UGT1A6: variants seen among roughly 807,000 people sequenced by gnomAD.
The protein encoded by UGT1A6 is UDP glucuronosyltransferase family 1 member A6.
UGT1A6 carries 32 observed loss-of-function variants against 44.4 expected under a neutral mutation model. That is an observed-to-expected ratio of 0.72 (90% CI 0.54 to 0.97). UGT1A6 has a LOEUF of 0.97. UGT1A6 is among the 50% of genes least tolerant of loss of function. UGT1A6 has a pLI of 0.00. For synonymous variants in UGT1A6, 238 were observed against 248.5 expected, an observed-to-expected ratio of 0.96 and a Z score of 0.40; for missense variants, 685 against 661.9, an observed-to-expected ratio of 1.03 and a Z score of -0.38.
chr2:233,739,125 T>C (rs1690989547), intron 1 of UGT1A6: 1 of 152,272 alleles, frequency 6.6e-6, no homozygotes. Flanking sequence ...ACACAGAAGA[T>C]AAGAATTTAG....
chr2:233,714,286 T>C (rs551165794), intron 1 of UGT1A6, among the ~76,000 whole-genome samples: 1 of 152,310 alleles, frequency 6.6e-6, no homozygotes, highest in South Asian at 2.1e-4. Context: ...CAATTTTTAG[T>C]GGTCCCATCT....
intron 1 of UGT1A6, chr2:233,744,049 A>C: frequency 1.3e-4 from 90 of 678,678 alleles, no homozygotes; most frequent in Non-Finnish European, 1.7e-4. Flanking sequence ...GCCACATCTC[A>C]TTGGTCGAGG....
chr2:233,745,211 C>T (rs1428887927), intron 1 of UGT1A6, among the ~76,000 whole-genome samples: 1 of 151,804 alleles, frequency 6.6e-6, no homozygotes, highest in African/African-American at 2.4e-5. Flanking sequence ...GAGATCCTCT[C>T]AGACAAAAGG....
chr2:233,748,167 T>A, intron 1 of UGT1A6: 1 of 1,593,478 alleles, frequency 6.3e-7, no homozygotes, highest in Non-Finnish European at 8.5e-7. Context: ...CCATATCTAC[T>A]TATCTTTCTG....
intron 1 of UGT1A6, among the ~76,000 whole-genome samples, chr2:233,726,395 C>G (rs2077529698): frequency 6.6e-6 from 1 of 152,174 alleles, no homozygotes; most frequent in African/African-American, 2.4e-5. Flanking sequence ...ATCTCATAGT[C>G]TTTTGATGTC....
intron 1 of UGT1A6, among the ~76,000 whole-genome samples, chr2:233,724,109 G>A (rs1321159895): frequency 1.4e-4 from 16 of 113,960 alleles, no homozygotes; most frequent in East Asian, 4.5e-4. Flanking sequence ...AGGGGCGGCC[G>A]GGCAGAGGCG....
chr2:233,724,200 G>A (rs1277463705), intron 1 of UGT1A6, among the ~76,000 whole-genome samples: 6 of 126,908 alleles, frequency 4.7e-5, no homozygotes, highest in Admixed American at 1.5e-4. Context: ...GTGGCTGGCC[G>A]GGCTGAGGGG....
At chr2:233,719,813 A>G in intron 1 of UGT1A6, 1 of 1,586,286 alleles carries the variant, frequency 6.3e-7, no homozygotes, top group Non-Finnish European at 8.6e-7. Context: ...TCTTTATAAC[A>G]GATAAACTGT....
rs1003147991 is a variant in UGT1A6 at position 233,772,600 on chromosome 2, T to C, written c.*41T>C. 1 of 1,591,692 alleles carries C rather than the reference T, an allele frequency of 6.3e-7. No homozygotes were observed. The highest frequency in any genetic ancestry group is 8.6e-7 in the Non-Finnish European group (1 of 1,168,178). ...TAAGGTAAAATTTTGAACCATTCCC[T>C]AGTCATTTCCAAACTTGAAAACAGA... On this transcript the variant is annotated 3_prime_UTR_variant, in exon 5 of 5. Coordinates refer to ENST00000305139, the MANE Select transcript of UGT1A6 (RefSeq NM_001072.4).
intron 1 of UGT1A6, among the ~76,000 whole-genome samples, chr2:233,748,430 T>A (rs1693942914): frequency 6.6e-6 from 1 of 151,778 alleles, no homozygotes; most frequent in Non-Finnish European, 1.5e-5. Flanking sequence ...CCATCTGGAT[T>A]TTTTGTTTGC....
At chr2:233,757,535 A>AATATATATATATATATATATATATATAT (rs67292694) in intron 1 of UGT1A6, among the ~76,000 whole-genome samples, 42 of 88,242 alleles carry the variant, frequency 4.8e-4, no homozygotes, top group East Asian at 2.0e-3. Context: ...GCCTGTAAGG[A>AATATATATATATATATATATATATATAT]ATATATATAT....
chr2:233,700,200 C>T (rs536446307), intron 1 of UGT1A6, among the ~76,000 whole-genome samples: 2 of 152,322 alleles, frequency 1.3e-5, no homozygotes, highest in Non-Finnish European at 2.9e-5. Context: ...CCTTTGTTGG[C>T]TGAGCTGTGG....
rs944391861 is a variant in UGT1A6, at chr2:233,772,995, T to C, written c.*436T>C. ...ACCAATAATGGTCAGTCCTCATCTC[T>C]GTCGTGCTTCATAGGTGCCACCTTG... On this transcript the variant is annotated 3_prime_UTR_variant, in exon 5 of 5. Transcript: ENST00000305139. The C allele has an allele frequency of 2.4e-5, 6 of 254,024 alleles. No individual in the cohort carries two copies. The highest frequency in any genetic ancestry group is 1.4e-4 in the African/African-American group (6 of 44,320). The allele number at this position is 254,024 out of a possible 1,614,324, so 15.7% of individuals were successfully genotyped here.
intron 1 of UGT1A6, among the ~76,000 whole-genome samples, chr2:233,704,322 T>C (rs1003349124): frequency 1.3e-5 from 2 of 152,026 alleles, no homozygotes; most frequent in African/African-American, 4.8e-5. Context: ...TTAATGTTTT[T>C]CTTTCCACTA....
At chr2:233,724,298 C>T (rs1308100434) in intron 1 of UGT1A6, among the ~76,000 whole-genome samples, 3 of 143,234 alleles carry the variant, frequency 2.1e-5, no homozygotes, top group African/African-American at 7.8e-5. Flanking sequence ...CTGACCCCCC[C>T]ACCTCCCTCC....
intron 1 of UGT1A6, among the ~76,000 whole-genome samples, chr2:233,700,725 T>A (rs1022993283): frequency 6.6e-6 from 1 of 152,160 alleles, no homozygotes; most frequent in Non-Finnish European, 1.5e-5. Flanking sequence ...TTTTTAAAAA[T>A]TTTATTATTA....
chr2:233,743,534 T>C, intron 1 of UGT1A6: 1 of 1,367,218 alleles, frequency 7.3e-7, no homozygotes, highest in Non-Finnish European at 9.8e-7. Flanking sequence ...CCCCAGCAGT[T>C]CCTCTGACCC....
intron 1 of UGT1A6, among the ~76,000 whole-genome samples, chr2:233,695,531 T>C (rs988065073): frequency 7.9e-5 from 12 of 152,050 alleles, no homozygotes; most frequent in Admixed American, 7.9e-4. Flanking sequence ...TTCTTTTTTC[T>C]TTTTCTTTTT....
chr2:233,713,465 G>T lies in UGT1A6; in HGVS notation c.861+19600G>T, dbSNP rs147117995. ...TAACAGACCCCTTTCACCTCTGCGCGGCGGTGCTGGCTAAGTACCTGTCGA... is the reference window on the plus strand; with the variant it reads ...TAACAGACCCCTTTCACCTCTGCGCTGCGGTGCTGGCTAAGTACCTGTCGA... On this transcript the variant is annotated intron_variant, in intron 1 of 4. Transcript: ENST00000305139. 3.1e-6 allele frequency: 5 copies of T among 1,613,916 alleles called. No homozygotes were observed. In the African/African-American group the frequency reaches 5.3e-5, roughly 17 times the overall value.
Sources: allele counts gnomAD v4.1 joint callset (sites outside exome capture counted in the v4.1 genomes callset), GRCh38; gene constraint gnomAD v4.1.1; transcripts MANE v1.5; gene names NCBI Gene and HGNC (gene_info 2026-07-23, HGNC 2026-07-21).